AFG3L2: variants seen among roughly 807,000 people sequenced by gnomAD.
AFG3L2 encodes the protein mitochondrial inner membrane m-AAA protease component AFG3L2.
Under a neutral mutation model 94.5 loss-of-function variants are expected in AFG3L2, and 54 were observed. That is an observed-to-expected ratio of 0.57 (90% CI 0.46 to 0.72). The LOEUF (loss-of-function observed/expected upper bound fraction) is 0.72, where lower values mean the gene tolerates loss of function less well. AFG3L2 is among the 30% of genes least tolerant of loss of function. AFG3L2 has a pLI of 0.00. For synonymous variants in AFG3L2, 377 were observed against 365.5 expected (o/e 1.03, Z -0.36); for missense variants, 754 against 994.9 (o/e 0.76, Z 3.26).
In AFG3L2 at chr18:12,358,886, G is replaced by A; in HGVS notation, c.810C>T (p.Thr270=). The change falls in exon 8 of 17, where the codon ACC becomes ACT. Residue 270 remains threonine (T), a synonymous_variant. Transcript: ENST00000269143. ...TVLIIAFLLY[T]IRRGPAGIGR... is the part of the protein sequence containing the mutation. ...CAATGCCAGCAGGCCCTCTTCTGAT[G>A]GTGTAGAGCAAGAAGGCGATGATGA... 1.2e-6 allele frequency: 2 copies of A among 1,614,210 alleles called. No individual in the cohort carries two copies. The highest frequency in any genetic ancestry group is 1.7e-6 in the Non-Finnish European group (2 of 1,180,036).
intron 1 of AFG3L2, 104 bp downstream of exon 1, chr18:12,376,865 G>C: frequency 1.1e-6 from 1 of 903,134 alleles, no homozygotes. Flanking sequence ...GACGGCCCGC[G>C]TGCGGCCGGA....
chr18:12,375,055 CAAAAAA>C (rs201750735), intron 1 of AFG3L2, among the ~76,000 whole-genome samples: 1 of 100,858 alleles, frequency 9.9e-6, no homozygotes, highest in Non-Finnish European at 2.3e-5. Context: ...GACCCTGTCT[CAAAAAA>C]AAAAAAAAAA....
At chr18:12,358,619 C>A in intron 8 of AFG3L2, 51 bp downstream of exon 8, 1 of 1,569,884 alleles carries the variant, frequency 6.4e-7, no homozygotes. Context: ...AGAATTATAA[C>A]TTCAGAGATC....
chr18:12,364,718 T>G (rs1048543469), intron 5 of AFG3L2, among the ~76,000 whole-genome samples: 2 of 152,090 alleles, frequency 1.3e-5, no homozygotes, highest in Non-Finnish European at 2.9e-5. Context: ...CAGGCTGGAG[T>G]GCAGTGGTAC....
intron 14 of AFG3L2, chr18:12,343,918 G>A: frequency 3.4e-6 from 2 of 588,700 alleles, no homozygotes; most frequent in South Asian, 2.0e-5. Flanking sequence ...CCTGCTTTTG[G>A]ACACTCTGTG....
At chr18:12,348,926 C>A (rs569392000) in intron 12 of AFG3L2, among the ~76,000 whole-genome samples, 2 of 152,260 alleles carry the variant, frequency 1.3e-5, no homozygotes, top group East Asian at 3.9e-4. Context: ...TACAGCATAC[C>A]ATCTGTGTTA....
intron 3 of AFG3L2, among the ~76,000 whole-genome samples, chr18:12,368,298 G>A (rs1044552162): frequency 2.0e-5 from 3 of 152,218 alleles, no homozygotes; most frequent in South Asian, 2.1e-4. Flanking sequence ...GTTTGAGCCT[G>A]TAGTGAGCTG....
intron 1 of AFG3L2, among the ~76,000 whole-genome samples, chr18:12,375,895 G>C (rs943709997): frequency 1.1e-4 from 17 of 152,150 alleles, no homozygotes; most frequent in Admixed American, 6.6e-5. Context: ...AGGCTGAGGC[G>C]GGAGGATCGC....
At chr18:12,348,498 A>T in intron 12 of AFG3L2, 115 bp from the exon 13 acceptor site, 1 of 794,338 alleles carries the variant, frequency 1.3e-6, no homozygotes, top group South Asian at 1.5e-5. Flanking sequence ...CAATGAATAA[A>T]GGTTTTGTGT....
chr18:12,362,894 G>A (rs1396439201), intron 6 of AFG3L2, among the ~76,000 whole-genome samples: 1 of 151,976 alleles, frequency 6.6e-6, no homozygotes, highest in Non-Finnish European at 1.5e-5. Context: ...AACACACGTT[G>A]CCTACCGGCC....
At chr18:12,358,080 A>C (rs1027198369) in intron 8 of AFG3L2, among the ~76,000 whole-genome samples, 2 of 152,356 alleles carry the variant, frequency 1.3e-5, no homozygotes, top group East Asian at 3.9e-4. Flanking sequence ...TTTTAAAAGA[A>C]TTATACCTTT....
At chr18:12,338,341 A>G (rs1598821476) in intron 15 of AFG3L2, among the ~76,000 whole-genome samples, 1 of 152,300 alleles carries the variant, frequency 6.6e-6, no homozygotes, top group East Asian at 1.9e-4. Flanking sequence ...TCCCAGAAGG[A>G]TGGCATGCCA....
intron 7 of AFG3L2, among the ~76,000 whole-genome samples, chr18:12,359,567 T>C (rs990995204): frequency 6.6e-6 from 1 of 152,002 alleles, no homozygotes; most frequent in Middle Eastern, 3.4e-3. Context: ...AGTGAATCCC[T>C]GCCTCTACTA....
At position 12,356,772 on chromosome 18, in the gene AFG3L2, G is replaced by A. The variant is rs775332640; in HGVS notation, c.1086C>T (p.Ala362=). 13 of 1,614,090 alleles carry A rather than the reference G, an allele frequency of 8.1e-6. No individual in the cohort carries two copies. The highest frequency in any genetic ancestry group is 2.2e-5 in the East Asian group (1 of 44,898). ...TGKTLLAKAT[A]GEANVPFITV... is the part of the protein sequence containing the mutation. ...TGATGAAGGGGACATTGGCTTCTCCGGCTGTGGCCTTAGCTAGCAGCGTCT... is the reference window on the plus strand; with the variant it reads ...TGATGAAGGGGACATTGGCTTCTCCAGCTGTGGCCTTAGCTAGCAGCGTCT... Residue 362 remains alanine (A), a synonymous_variant, in exon 9 of 17, where the codon GCC becomes GCT. Coordinates refer to ENST00000269143, the MANE Select transcript of AFG3L2 (RefSeq NM_006796.3).
In AFG3L2 at chr18:12,362,905, T is replaced by C. The variant is rs527315153; in HGVS notation, c.627+877A>G. 2.0e-5 allele frequency among the ~76,000 whole-genome samples: 3 copies of C among 152,330 alleles called. No individual in the cohort carries two copies. The South Asian group carries it at 6.2e-4, about 32-fold the overall frequency. ...CTGGAACACACGTTGCCTACCGGCC[T>C]CATGAGAAAGTGCCAACTTAATTCC... is the stretch of plus-strand genomic sequence containing the variant. On this transcript the variant is annotated intron_variant, in intron 6 of 16. Coordinates refer to ENST00000269143, the MANE Select transcript of AFG3L2 (RefSeq NM_006796.3).
Position 12,352,914 on chromosome 18 carries a change from C to T in AFG3L2, c.1318+91G>A, listed in dbSNP as rs1157459918. 17 of 1,560,634 alleles carry T rather than the reference C, an allele frequency of 1.1e-5. No homozygotes were observed. The South Asian group carries it at 1.9e-4, about 17-fold the overall frequency. ...AGGATGCAGTGAGCCGAAATCACAC[C>T]ACTCACTTCAGCCTGGACGACAGAG... On this transcript the variant is annotated intron_variant, in intron 10 of 16. Coordinates refer to ENST00000269143, the MANE Select transcript of AFG3L2 (RefSeq NM_006796.3).
intron 16 of AFG3L2, among the ~76,000 whole-genome samples, chr18:12,334,949 A>C (rs1408456685): frequency 6.6e-6 from 1 of 152,222 alleles, no homozygotes; most frequent in Non-Finnish European, 1.5e-5. Flanking sequence ...GACTTATGAA[A>C]GGAAAATAAA....
rs939011025 is a variant in AFG3L2 at position 12,371,142 on chromosome 18, G to A, written c.215-216C>T. Among the ~76,000 whole-genome samples, 14 of 152,112 alleles carry A rather than the reference G, an allele frequency of 9.2e-5. No individual in the cohort carries two copies. The South Asian group carries it at 2.1e-3, about 23-fold the overall frequency. On this transcript the variant is annotated intron_variant, in intron 2 of 16. Transcript: ENST00000269143. ...AGCCTGCCCAACATGGCGAAACTCC[G>A]ACTCTACTAAAAGTACAAAAAATTG...
At chr18:12,329,887 G>A in intron 16 of AFG3L2, 104 bp from the exon 17 acceptor site, 6 of 1,026,134 alleles carry the variant, frequency 5.8e-6, no homozygotes, top group Non-Finnish European at 8.8e-6. Context: ...AAGGATTTAA[G>A]ACCAATGAAA....
Sources: allele counts gnomAD v4.1 joint callset (sites outside exome capture counted in the v4.1 genomes callset), GRCh38; gene constraint gnomAD v4.1.1; transcripts MANE v1.5; gene names NCBI Gene and HGNC (gene_info 2026-07-23, HGNC 2026-07-21).